Variants in TTLL9 observed in about 807,000 individuals in gnomAD.
TTLL9 encodes tubulin tyrosine ligase like 9.
A neutral mutation model predicts 65.6 loss-of-function variants in TTLL9; 47 were observed. The observed-to-expected ratio is 0.72, with a 90% CI of 0.57 to 0.91. The LOEUF is 0.91. Among genes scored for constraint, TTLL9 ranks in the 40% least tolerant of loss-of-function variants. The pLI, the probability that TTLL9 is intolerant of heterozygous loss-of-function variation, is 0.00. For missense variants in TTLL9, 537 were observed against 568.8 expected, an observed-to-expected ratio of 0.94 and a Z score of 0.57; for synonymous variants, 179 against 204.8, an observed-to-expected ratio of 0.87 and a Z score of 1.07.
At chr20:31,911,149 T>C (rs1025049138) in intron 6 of TTLL9, among the ~76,000 whole-genome samples, 5 of 151,442 alleles carry the variant, frequency 3.3e-5, no homozygotes, top group Non-Finnish European at 7.4e-5. Flanking sequence ...CACTCCAGCC[T>C]GGGTGAGAGA....
chr20:31,932,574 T>C (rs1168239535), intron 10 of TTLL9, among the ~76,000 whole-genome samples: 1 of 151,546 alleles, frequency 6.6e-6, no homozygotes, highest in Non-Finnish European at 1.5e-5. Flanking sequence ...CTCTGTTCAA[T>C]ACACCACAGA....
chr20:31,942,400 T>C (rs2123661557), intron 14 of TTLL9, among the ~76,000 whole-genome samples: 1 of 152,272 alleles, frequency 6.6e-6, no homozygotes, highest in African/African-American at 2.4e-5. Flanking sequence ...ACTCATCTCT[T>C]AGCCAGTTGT....
At chr20:31,923,123 C>T in intron 8 of TTLL9, 70 bp downstream of exon 8, 1 of 1,274,186 alleles carries the variant, frequency 7.8e-7, no homozygotes, top group Non-Finnish European at 1.1e-6. Flanking sequence ...CAAGCTTTGA[C>T]CAGCAGCCTG....
At chr20:31,890,031 T>C (rs370257852) in intron 3 of TTLL9, among the ~76,000 whole-genome samples, 94 of 114,536 alleles carry the variant, frequency 8.2e-4, no homozygotes, top group East Asian at 6.9e-3. Context: ...TCTTTCTTTC[T>C]TTCCTTCCTT....
At chr20:31,911,851 T>C (rs1193811191) in intron 6 of TTLL9, among the ~76,000 whole-genome samples, 1 of 150,434 alleles carries the variant, frequency 6.6e-6, no homozygotes, top group Admixed American at 6.7e-5. Context: ...TGTGTGTGTG[T>C]GTGTGTGTGT....
intron 5 of TTLL9, 57 bp from the exon 6 acceptor site, chr20:31,909,680 G>A (rs1268650941): frequency 1.9e-6 from 3 of 1,548,434 alleles, no homozygotes; most frequent in Non-Finnish European, 2.6e-6. Context: ...GTGGGGCTGG[G>A]AGGGGAGCGG....
At chr20:31,935,469 G>A (rs1221090246) in intron 12 of TTLL9, among the ~76,000 whole-genome samples, 3 of 152,174 alleles carry the variant, frequency 2.0e-5, no homozygotes, top group Admixed American at 6.5e-5. Context: ...AAGGACCTGG[G>A]CTGAGCTGCT....
chr20:31,908,817 C>A, intron 5 of TTLL9, 115 bp downstream of exon 5: 1 of 848,726 alleles, frequency 1.2e-6, no homozygotes, highest in African/African-American at 1.7e-5. Flanking sequence ...GATGCAACGC[C>A]GAGTGGGAAG....
rs150431116 is a variant in TTLL9, at chr20:31,882,043, G to C, written c.70-5153G>C. Among the ~76,000 whole-genome samples, 26 of 152,274 alleles carry C rather than the reference G, an allele frequency of 1.7e-4. No homozygotes were observed. The East Asian group carries it at 4.2e-3, about 25-fold the overall frequency. On this transcript the variant is annotated intron_variant, in intron 2 of 14. Transcript: ENST00000535842. Reference sequence around the variant, plus strand: ...TGTGGTTTCTTTCAAATGACCCAGGGGAAATAGGAGTATGAACTTATTTGA... The same window carrying C: ...TGTGGTTTCTTTCAAATGACCCAGGCGAAATAGGAGTATGAACTTATTTGA...
At position 31,875,932 on chromosome 20, in the gene TTLL9, T is replaced by C. The variant is rs539293000; in HGVS notation, c.69+4737T>C. On this transcript the variant is annotated intron_variant, in intron 2 of 14. Coordinates refer to ENST00000535842, the MANE Select transcript of TTLL9 (RefSeq NM_001008409.5). ...CCACTATACTCACGAGGATTGGCTA[T>C]GGTGCATATCTTTTGAGTCTGTGTT... Among the ~76,000 whole-genome samples the C allele has an allele frequency of 1.6e-4, 25 of 152,358 alleles. No individual in the cohort carries two copies. In the South Asian group the frequency reaches 4.8e-3, roughly 29 times the overall value.
Position 31,919,880 on chromosome 20 carries a change from G to A in TTLL9, c.521G>A (p.Gly174Glu), listed in dbSNP as rs1410984611. The change falls in exon 7 of 15, where the codon GGG becomes GAG. Residue 174 changes from glycine to glutamate, a missense_variant. Gly to Glu is a moderately conservative substitution (Grantham distance 98). Coordinates refer to ENST00000535842, the MANE Select transcript of TTLL9 (RefSeq NM_001008409.5). Reference sequence around the variant, plus strand: ...CCACCCCAGGTAGCCCGGTCTCAAGGGAAAGGCATCTTCCTCTTCCGTAGG... The same window carrying A: ...CCACCCCAGGTAGCCCGGTCTCAAGAGAAAGGCATCTTCCTCTTCCGTAGG... ...WIMKPVARSQ[G>E]KGIFLFRRLK... 1.0e-5 allele frequency: 16 copies of A among 1,592,472 alleles called. No individual in the cohort carries two copies. The highest frequency in any genetic ancestry group is 1.4e-5 in the Non-Finnish European group (16 of 1,170,020).
intron 10 of TTLL9, among the ~76,000 whole-genome samples, chr20:31,929,014 C>T (rs2063959061): frequency 6.6e-6 from 1 of 152,120 alleles, no homozygotes; most frequent in African/African-American, 2.4e-5. Context: ...CAGCTGAGAC[C>T]ACAGGCACAT....
chr20:31,880,762 C>T (rs2063106803), intron 2 of TTLL9, among the ~76,000 whole-genome samples: 1 of 152,050 alleles, frequency 6.6e-6, no homozygotes, highest in South Asian at 2.1e-4. Flanking sequence ...GCTAGGATTA[C>T]AGGCGTGAGC....
intron 2 of TTLL9, among the ~76,000 whole-genome samples, chr20:31,883,622 C>G (rs1343515187): frequency 6.6e-6 from 1 of 152,086 alleles, no homozygotes; most frequent in Non-Finnish European, 1.5e-5. Flanking sequence ...AGTCAAACAT[C>G]TTTGACTCCT....
intron 5 of TTLL9, among the ~76,000 whole-genome samples, chr20:31,908,921 C>A (rs376183692): frequency 1.5e-3 from 226 of 152,084 alleles, no homozygotes; most frequent in African/African-American, 5.3e-3. Context: ...GGAGTTTCAG[C>A]ACCAAGATTT....
At chr20:31,931,139 G>A (rs2064002490) in intron 10 of TTLL9, among the ~76,000 whole-genome samples, 1 of 149,698 alleles carries the variant, frequency 6.7e-6, no homozygotes, top group Non-Finnish European at 1.5e-5. Context: ...GAGTGCAGTG[G>A]CACAATCACG....
chr20:31,938,323 G>A (rs1214367144), intron 13 of TTLL9: 2 of 348,234 alleles, frequency 5.7e-6, no homozygotes, highest in African/African-American at 2.1e-5. Flanking sequence ...GCCATGGGGT[G>A]AGGGAGGGAG....
intron 7 of TTLL9, among the ~76,000 whole-genome samples, chr20:31,920,222 AAC>A (rs967475809): frequency 6.4e-5 from 7 of 109,150 alleles, no homozygotes; most frequent in South Asian, 2.6e-4. Flanking sequence ...CTAATAAGCA[AAC>A]ACGCGCACAC....
intron 2 of TTLL9, among the ~76,000 whole-genome samples, chr20:31,878,115 T>G (rs1410644083): frequency 2.6e-5 from 4 of 152,242 alleles, no homozygotes; most frequent in Non-Finnish European, 5.9e-5. Context: ...CTTATATTTC[T>G]GTTGCTATAT....
Sources: allele counts gnomAD v4.1 joint callset (sites outside exome capture counted in the v4.1 genomes callset), GRCh38; gene constraint gnomAD v4.1.1; transcripts MANE v1.5; gene names NCBI Gene and HGNC (gene_info 2026-07-23, HGNC 2026-07-21).